The following MICOS10 variants were observed in gnomAD, a reference collection of about 807,000 sequenced individuals.
MICOS10 encodes the protein mitochondrial contact site and cristae organizing system subunit 10, also known as MICOS complex subunit MIC10.
In MICOS10, 5 loss-of-function variants were observed where a neutral mutation model predicts 13.4. That is an observed-to-expected ratio of 0.37 (90% CI 0.20 to 0.78). The LOEUF (loss-of-function observed/expected upper bound fraction) is 0.78. Among genes scored for constraint, MICOS10 ranks in the 30% least tolerant of loss-of-function variants. The pLI, the probability that MICOS10 is intolerant of heterozygous loss-of-function variation, is 0.47. For synonymous variants in MICOS10, 35 were observed against 33.6 expected (o/e 1.04, Z -0.15); for missense variants, 101 against 94.6 (o/e 1.07, Z -0.28).
chr1:19,600,776 A>G, intron 1 of MICOS10: 1 of 628,560 alleles, frequency 1.6e-6, no homozygotes, highest in Non-Finnish European at 2.5e-6. Flanking sequence ...TAACTTTTGT[A>G]TTTTTTGTAG....
In MICOS10 at chr1:19,615,604, G is replaced by A. The variant is rs115467288; in HGVS notation, c.65-6496G>A. 5.9e-3 allele frequency among the ~76,000 whole-genome samples: 782 copies of A among 133,004 alleles called. 5 individuals are homozygous for A. Among genetic ancestry groups the A allele is most frequent in the Admixed American group, 9.1e-3 (101 of 11,102 alleles). The allele number at this position is 133,004 out of a possible 152,430, so 87.3% of individuals were successfully genotyped here. A position where few individuals can be genotyped will look rare whatever the true frequency, so the allele number is the denominator to read the frequency against. On this transcript the variant is annotated intron_variant, in intron 1 of 3. Coordinates refer to ENST00000322753, the MANE Select transcript of MICOS10 (RefSeq NM_001032363.4). Reference sequence around the variant, plus strand: ...TTTTTTCCCCCCAAGACAGAGTCTCGCTTTGTTGCCCAGGCTGGAGTGCAG... The same window carrying A: ...TTTTTTCCCCCCAAGACAGAGTCTCACTTTGTTGCCCAGGCTGGAGTGCAG...
chr1:19,624,712 T>C (rs187186376), intron 3 of MICOS10, among the ~76,000 whole-genome samples: 12 of 152,302 alleles, frequency 7.9e-5, no homozygotes, highest in Admixed American at 4.6e-4. Flanking sequence ...TGATGATTAG[T>C]TACTGTGGGG....
intron 3 of MICOS10, chr1:19,625,620 A>G (rs1376863003): frequency 1.6e-6 from 2 of 1,288,720 alleles, no homozygotes; most frequent in Admixed American, 4.6e-5. Context: ...AGGAGCAGAC[A>G]GAGAAGCTTC....
intron 3 of MICOS10, 69 bp downstream of exon 3, chr1:19,623,652 T>A: frequency 9.1e-7 from 1 of 1,099,812 alleles, no homozygotes; most frequent in Non-Finnish European, 1.4e-6. Context: ...TGAAGAATTC[T>A]TTAGACTGTT....
chr1:19,608,428 C>T, intron 1 of MICOS10: 1 of 1,281,590 alleles, frequency 7.8e-7, no homozygotes, highest in Non-Finnish European at 1.1e-6. Context: ...GAAATAGGAC[C>T]AAGACCCTTG....
At chr1:19,604,606 G>A (rs1286947253) in intron 1 of MICOS10, among the ~76,000 whole-genome samples, 5 of 152,158 alleles carry the variant, frequency 3.3e-5, no homozygotes, top group African/African-American at 2.4e-5. Context: ...ATTGTGGGTC[G>A]TAGGTGGGTC....
rs2094911835 is a variant in MICOS10 at position 19,623,592 on chromosome 1, A to G, written c.222+9A>G. The G allele has an allele frequency of 5.8e-6, 9 of 1,540,622 alleles. No homozygotes were observed. The highest frequency in any genetic ancestry group is 3.4e-5 in the Admixed American group (2 of 58,968). On this transcript the variant is annotated intron_variant, in intron 3 of 3. Coordinates refer to ENST00000322753, the MANE Select transcript of MICOS10 (RefSeq NM_001032363.4). Reference sequence around the variant, plus strand: ...ATGGAAAATATGTCAAAGTATGTACAGAATATATATTTCTCTTTCCTTCAG... The same window carrying G: ...ATGGAAAATATGTCAAAGTATGTACGGAATATATATTTCTCTTTCCTTCAG...
In MICOS10 at chr1:19,599,398, C is replaced by T. The variant is rs74056904; in HGVS notation, c.64+2289C>T. ...AATATTATTGTGCTACTGAAGACCA[C>T]GTGAGGCAGTGAATAGTGTCACTCT... On this transcript the variant is annotated intron_variant, in intron 1 of 3. Coordinates refer to ENST00000322753, the MANE Select transcript of MICOS10 (RefSeq NM_001032363.4). Among the ~76,000 whole-genome samples, 1,135 of 152,240 alleles carry T rather than the reference C, an allele frequency of 7.5e-3. 11 individuals are homozygous for T. The highest frequency in any genetic ancestry group is 0.026 in the African/African-American group (1,083 of 41,548).
chr1:19,608,994 CTTTTTTTTTTTTT>C (rs5772856), intron 1 of MICOS10, among the ~76,000 whole-genome samples: 7 of 60,600 alleles, frequency 1.2e-4, no homozygotes, highest in South Asian at 5.8e-4. Flanking sequence ...CTTTTCCCAG[CTTTTTTTTTTTTT>C]TTTTTTTTTT....
chr1:19,609,636 G>A (rs182845024), intron 1 of MICOS10, among the ~76,000 whole-genome samples: 30 of 152,312 alleles, frequency 2.0e-4, no homozygotes, highest in Middle Eastern at 3.4e-3. Context: ...TCCTTAAAGT[G>A]GAGTATCTGT....
At chr1:19,616,005 G>A (rs908454221) in intron 1 of MICOS10, among the ~76,000 whole-genome samples, 2 of 151,552 alleles carry the variant, frequency 1.3e-5, no homozygotes, top group Non-Finnish European at 2.9e-5. Context: ...TGCAATCTTC[G>A]CCTCCCAGGT....
intron 1 of MICOS10, among the ~76,000 whole-genome samples, chr1:19,607,824 G>T (rs964644800): frequency 3.3e-5 from 5 of 152,210 alleles, no homozygotes; most frequent in Admixed American, 2.0e-4. Flanking sequence ...TTTAAGGCTT[G>T]CAGTAAAGCT....
intron 3 of MICOS10, among the ~76,000 whole-genome samples, chr1:19,625,238 G>A (rs1167907242): frequency 1.3e-5 from 2 of 152,224 alleles, no homozygotes; most frequent in Non-Finnish European, 2.9e-5. Context: ...CCCAAAAAGG[G>A]TGATTGACTT....
At chr1:19,607,560 A>G (rs1253640170) in intron 1 of MICOS10, among the ~76,000 whole-genome samples, 1 of 152,212 alleles carries the variant, frequency 6.6e-6, no homozygotes, top group Non-Finnish European at 1.5e-5. Flanking sequence ...TTAAGGGCCG[A>G]GAGAAAGAGA....
chr1:19,606,531 A>T (rs2094835371), intron 1 of MICOS10, among the ~76,000 whole-genome samples: 2 of 152,152 alleles, frequency 1.3e-5, no homozygotes, highest in African/African-American at 4.8e-5. Flanking sequence ...GGGTCACCTG[A>T]GGTCAGGAGT....
chr1:19,597,314 C>CGGAG (rs1300648459), intron 1 of MICOS10, among the ~76,000 whole-genome samples: 19 of 152,174 alleles, frequency 1.2e-4, no homozygotes, highest in African/African-American at 4.3e-4. Context: ...GAGCAGCAGC[C>CGGAG]CGGGTGCGGG....
intron 1 of MICOS10, among the ~76,000 whole-genome samples, chr1:19,616,306 A>G (rs943963318): frequency 2.0e-5 from 3 of 152,204 alleles, no homozygotes; most frequent in African/African-American, 4.8e-5. Flanking sequence ...TGAATCCCCG[A>G]TTCTTATATT....
chr1:19,605,061 G>A (rs545671198), intron 1 of MICOS10, among the ~76,000 whole-genome samples: 1 of 152,282 alleles, frequency 6.6e-6, no homozygotes, highest in Non-Finnish European at 1.5e-5. Context: ...TACAATGGAA[G>A]CTCATGGTGG....
At chr1:19,623,157 G>A (rs2094910218) in intron 2 of MICOS10, among the ~76,000 whole-genome samples, 1 of 152,006 alleles carries the variant, frequency 6.6e-6, no homozygotes, top group Non-Finnish European at 1.5e-5. Flanking sequence ...TCCTGACCTC[G>A]TGATCCGCCC....
Sources: allele counts gnomAD v4.1 joint callset (sites outside exome capture counted in the v4.1 genomes callset), GRCh38; gene constraint gnomAD v4.1.1; transcripts MANE v1.5; gene names NCBI Gene and HGNC (gene_info 2026-07-23, HGNC 2026-07-21).